GASK1B: variants seen among roughly 807,000 people sequenced by gnomAD.
GASK1B encodes the protein golgi associated kinase 1B, also known as Golgi-associated kinase 1B.
Under a neutral mutation model 42.8 loss-of-function variants are expected in GASK1B, and 34 were observed. The observed-to-expected ratio is 0.79, with a 90% confidence interval of 0.60 to 1.06. The LOEUF is 1.06. GASK1B is among the 50% of genes least tolerant of loss of function. The probability of loss-of-function intolerance (pLI) is 0.00; values close to 1 mark genes in which losing one functional copy is unlikely to be tolerated. For missense variants in GASK1B, 686 were observed against 661.0 expected, an observed-to-expected ratio of 1.04 and a Z score of -0.42; for synonymous variants, 262 against 259.1, an observed-to-expected ratio of 1.01 and a Z score of -0.11.
At chr4:158,145,839 G>A (rs1731310235) in intron 3 of GASK1B, among the ~76,000 whole-genome samples, 1 of 152,066 alleles carries the variant, frequency 6.6e-6, no homozygotes, top group South Asian at 2.1e-4. Context: ...AATACATGCA[G>A]CCTTTTTTTG....
chr4:158,146,970 G>A (rs904287117), intron 3 of GASK1B, among the ~76,000 whole-genome samples: 1 of 151,924 alleles, frequency 6.6e-6, no homozygotes, highest in Admixed American at 6.6e-5. Flanking sequence ...ATGTAGATCT[G>A]TTAACTGGGT....
chr4:158,140,111 A>C (rs941266884), intron 3 of GASK1B, among the ~76,000 whole-genome samples: 1 of 152,200 alleles, frequency 6.6e-6, no homozygotes, highest in Non-Finnish European at 1.5e-5. Context: ...ATTCATGCTA[A>C]AGCATCAACA....
chr4:158,154,267 A>G (rs1002465124), intron 3 of GASK1B, among the ~76,000 whole-genome samples: 7 of 152,214 alleles, frequency 4.6e-5, no homozygotes, highest in Admixed American at 2.0e-4. Context: ...ATATGAAAAA[A>G]TGTTCAACAT....
chr4:158,150,306 A>T (rs1362468099), intron 3 of GASK1B, among the ~76,000 whole-genome samples: 4 of 152,044 alleles, frequency 2.6e-5, no homozygotes, highest in Non-Finnish European at 5.9e-5. Context: ...CCTGACAAAG[A>T]TAATAAAGAT....
In GASK1B at chr4:158,171,319, G is replaced by C; in HGVS notation, c.57C>G (p.Cys19Trp). Residue 19 changes from cysteine (C) to tryptophan (W), a missense_variant, in exon 2 of 5, where the codon TGC (cysteine) becomes TGG (tryptophan). Transcript: ENST00000585682. ...QLINWFICSL[C>W]VPRVRKLWSS... is the part of the protein sequence containing the mutation. ...TCCAGAGCTTACGCACCCGCGGGAC[G>C]CACAGGGAGCAGATGAACCAGTTTA... The C allele has an allele frequency of 6.2e-7, 1 of 1,611,980 alleles. No individual in the cohort carries two copies. Among genetic ancestry groups the C allele is most frequent in the Non-Finnish European group, 8.5e-7 (1 of 1,178,976 alleles).
At chr4:158,138,272 A>G (rs138550977) in intron 3 of GASK1B, among the ~76,000 whole-genome samples, 238 of 152,318 alleles carry the variant, frequency 1.6e-3, no homozygotes, top group African/African-American at 5.5e-3. Context: ...ATGTTCTATA[A>G]TTTGCACAAG....
At chr4:158,161,622 A>G (rs1732014654) in intron 2 of GASK1B, among the ~76,000 whole-genome samples, 1 of 152,186 alleles carries the variant, frequency 6.6e-6, no homozygotes, top group South Asian at 2.1e-4. Context: ...CTGCTGTATA[A>G]ATGGAAACTC....
intron 2 of GASK1B, among the ~76,000 whole-genome samples, chr4:158,163,011 C>T (rs1323038466): frequency 2.6e-5 from 4 of 152,158 alleles, no homozygotes; most frequent in Non-Finnish European, 4.4e-5. Context: ...TCAGTTTCCC[C>T]TCAGGAAATG....
chr4:158,142,753 T>G (rs537609512), intron 3 of GASK1B, among the ~76,000 whole-genome samples: 1 of 152,246 alleles, frequency 6.6e-6, no homozygotes, highest in Admixed American at 6.5e-5. Flanking sequence ...AAATCAAATC[T>G]AAATTTGATC....
Position 158,141,940 on chromosome 4 carries a change from T to C in GASK1B, c.1126-10928A>G, listed in dbSNP as rs1314868484. On this transcript the variant is annotated intron_variant, in intron 3 of 4. Coordinates refer to ENST00000585682, the MANE Select transcript of GASK1B (RefSeq NM_001128424.2). ...GGTTTCTTTTTTTTTTTTTTTTTTT[T>C]TTTTTTTTTTTTTTTGAGACGGAGT... Among the ~76,000 whole-genome samples, 44 of 16,686 alleles carry C rather than the reference T, an allele frequency of 2.6e-3. 1 individual carries two copies. The highest frequency in any genetic ancestry group is 6.8e-3 in the Admixed American group (10 of 1,474). 10.9% of individuals were successfully genotyped at this position (16,686 alleles called of 152,430 possible). A position where few individuals can be genotyped will look rare whatever the true frequency, so the allele number is the denominator to read the frequency against.
chr4:158,171,885 C>T (rs948819755), intron 1 of GASK1B, among the ~76,000 whole-genome samples: 2 of 152,142 alleles, frequency 1.3e-5, no homozygotes, highest in African/African-American at 4.8e-5. Flanking sequence ...CAAACCTGGG[C>T]TTTTCCTTTT....
chr4:158,129,338 T>C (rs1730583250), intron 4 of GASK1B, among the ~76,000 whole-genome samples: 1 of 152,162 alleles, frequency 6.6e-6, no homozygotes, highest in Admixed American at 6.5e-5. Context: ...AGTGATGTCT[T>C]AGGAAAGTAA....
chr4:158,134,042 C>A (rs1436214736), intron 3 of GASK1B, among the ~76,000 whole-genome samples: 1 of 152,146 alleles, frequency 6.6e-6, no homozygotes, highest in African/African-American at 2.4e-5. Flanking sequence ...TGTATTATTG[C>A]CCTTGTCTAG....
rs192854438 is a variant in GASK1B at position 158,156,447 on chromosome 4, C to A, written c.911-622G>T. On this transcript the variant is annotated intron_variant, in intron 2 of 4. Coordinates refer to ENST00000585682, the MANE Select transcript of GASK1B (RefSeq NM_001128424.2). ...TAAGGGATCATTTATTCACACATAA[C>A]CTCAACAAAGTGCATTTAAGCAAAT... 5.3e-5 allele frequency among the ~76,000 whole-genome samples: 8 copies of A among 152,292 alleles called. No homozygotes were observed. In the East Asian group the frequency reaches 1.2e-3, roughly 22 times the overall value.
At position 158,171,160 on chromosome 4, in the gene GASK1B, G is replaced by A. The variant is rs1732510958; in HGVS notation, c.216C>T (p.Arg72=). Residue 72 remains arginine, a synonymous_variant, in exon 2 of 5, where the codon CGC becomes CGT. Transcript: ENST00000585682. ...HGQAAEKGPH[R]SRDTAEPSFP... is the part of the protein sequence containing the mutation. ...AGGATGGCTCGGCGGTGTCGCGGCT[G>A]CGATGTGGCCCCTTCTCAGCCGCCT... 1 of 1,609,126 alleles carries A rather than the reference G, an allele frequency of 6.2e-7. No homozygotes were observed.
intron 4 of GASK1B, among the ~76,000 whole-genome samples, chr4:158,130,136 C>A (rs372232709): frequency 1.3e-5 from 2 of 152,226 alleles, no homozygotes; most frequent in South Asian, 4.2e-4. Flanking sequence ...TCTTGGTCAA[C>A]CCTAAGTAAA....
intron 3 of GASK1B, 42 bp downstream of exon 3, chr4:158,155,569 C>A (rs372145463): frequency 2.6e-6 from 4 of 1,523,500 alleles, no homozygotes; most frequent in Admixed American, 1.7e-5. Flanking sequence ...TATAACTCAG[C>A]GCCAGTCTTA....
At chr4:158,160,178 T>C (rs1281538925) in intron 2 of GASK1B, among the ~76,000 whole-genome samples, 1 of 152,124 alleles carries the variant, frequency 6.6e-6, no homozygotes, top group Admixed American at 6.6e-5. Flanking sequence ...GGCATCTTTG[T>C]TATAGGAAAC....
chr4:158,153,927 T>C (rs969395586), intron 3 of GASK1B, among the ~76,000 whole-genome samples: 2 of 152,000 alleles, frequency 1.3e-5, no homozygotes, highest in Non-Finnish European at 2.9e-5. Context: ...CTGAAAAACC[T>C]TCCTGGACAT....
Sources: allele counts gnomAD v4.1 joint callset (sites outside exome capture counted in the v4.1 genomes callset), GRCh38; gene constraint gnomAD v4.1.1; transcripts MANE v1.5; gene names NCBI Gene and HGNC (gene_info 2026-07-23, HGNC 2026-07-21).